The following CCSER1 variants were observed in gnomAD, a reference collection of about 807,000 sequenced individuals.
CCSER1 encodes the protein coiled-coil serine rich protein 1, also known as serine-rich coiled-coil domain-containing protein 1.
A neutral mutation model predicts 82.0 loss-of-function variants in CCSER1; 41 were observed. The ratio of observed to expected loss-of-function variants is 0.50; its 90% CI spans 0.39 to 0.65. The LOEUF (loss-of-function observed/expected upper bound fraction) is 0.65, where lower values mean the gene tolerates loss of function less well. CCSER1 is among the 30% of genes least tolerant of loss of function. CCSER1 has a pLI of 0.00. For missense variants in CCSER1, 1,119 were observed against 1,064.2 expected, an observed-to-expected ratio of 1.05 and a Z score of -0.72; for synonymous variants, 414 against 383.9, an observed-to-expected ratio of 1.08 and a Z score of -0.92.
In CCSER1 at chr4:90,305,714, C is replaced by G. The variant is rs1298686532; in HGVS notation, c.-41-2530C>G. On this transcript the variant is annotated intron_variant, in intron 1 of 10. Coordinates refer to ENST00000509176, the MANE Select transcript of CCSER1 (RefSeq NM_001145065.2). ...AAATTCATATGGAGAAAAGGGAACT[C>G]TTGCACACTGTTGGTGGGGGTGTAA... Among the ~76,000 whole-genome samples the G allele has an allele frequency of 1.7e-4, 26 of 152,192 alleles. 1 individual carries two copies. Among genetic ancestry groups the G allele is most frequent in the Non-Finnish European group, 2.9e-5 (2 of 68,032 alleles).
At chr4:91,414,428 A>G (rs1197542233) in intron 10 of CCSER1, among the ~76,000 whole-genome samples, 1 of 152,168 alleles carries the variant, frequency 6.6e-6, no homozygotes, top group Non-Finnish European at 1.5e-5. Flanking sequence ...CCTGTAGTAG[A>G]TACATAAAAG....
intron 9 of CCSER1, among the ~76,000 whole-genome samples, chr4:91,023,234 A>G (rs1431464916): frequency 6.6e-6 from 1 of 152,020 alleles, no homozygotes; most frequent in Non-Finnish European, 1.5e-5. Context: ...ATACTGCCCA[A>G]GGTAATTTAT....
At chr4:90,219,114 G>A (rs1421056110) in intron 1 of CCSER1, among the ~76,000 whole-genome samples, 1 of 152,172 alleles carries the variant, frequency 6.6e-6, no homozygotes, top group Non-Finnish European at 1.5e-5. Flanking sequence ...ATCACAGAGA[G>A]AGATGGGTTA....
intron 9 of CCSER1, among the ~76,000 whole-genome samples, chr4:90,935,232 T>C (rs1730785751): frequency 6.6e-6 from 1 of 151,918 alleles, no homozygotes; most frequent in African/African-American, 2.4e-5. Context: ...GGTGTTTGGA[T>C]CATGAGAGAG....
At chr4:90,151,389 A>G (rs946442857) in intron 1 of CCSER1, among the ~76,000 whole-genome samples, 26 of 152,078 alleles carry the variant, frequency 1.7e-4, no homozygotes, top group African/African-American at 6.0e-4. Flanking sequence ...TTAATATTCA[A>G]TTGTTTTAAA....
intron 1 of CCSER1, among the ~76,000 whole-genome samples, chr4:90,242,905 A>G (rs1054800823): frequency 3.2e-4 from 48 of 152,168 alleles, no homozygotes; most frequent in African/African-American, 1.1e-3. Context: ...CTCAAAGCCC[A>G]GGCCCTTTCT....
chr4:91,173,696 C>G (rs1361209080), intron 10 of CCSER1, among the ~76,000 whole-genome samples: 2 of 151,796 alleles, frequency 1.3e-5, no homozygotes, highest in Admixed American at 1.3e-4. Context: ...TGTCACTACT[C>G]TCTCCAGGAA....
intron 10 of CCSER1, among the ~76,000 whole-genome samples, chr4:91,302,084 C>A (rs1430179663): frequency 6.6e-6 from 1 of 151,842 alleles, no homozygotes; most frequent in African/African-American, 2.4e-5. Flanking sequence ...CAATAATGTC[C>A]CTGTGAAAAT....
intron 1 of CCSER1, among the ~76,000 whole-genome samples, chr4:90,189,462 G>A (rs766486449): frequency 6.6e-6 from 1 of 151,794 alleles, no homozygotes; most frequent in Non-Finnish European, 1.5e-5. Flanking sequence ...GGCTTATGAC[G>A]TGCACTGAGC....
chr4:90,984,623 A>T (rs759933781), intron 9 of CCSER1, among the ~76,000 whole-genome samples: 1 of 151,774 alleles, frequency 6.6e-6, no homozygotes, highest in African/African-American at 2.4e-5. Flanking sequence ...ACTTAAGCTA[A>T]TCAGGATCTC....
intron 10 of CCSER1, among the ~76,000 whole-genome samples, chr4:91,301,889 TTC>T (rs1744697104): frequency 6.6e-6 from 1 of 151,956 alleles, no homozygotes; most frequent in Admixed American, 6.6e-5. Flanking sequence ...TCATTGATTT[TTC>T]TCTTTTGCTT....
chr4:90,766,580 G>T lies in CCSER1; in HGVS notation c.2010+42589G>T, dbSNP rs1463512734. ...AATTGCCAGAGCCCAGAAGTTCCAG[G>T]CTGCAGTGAGCTATGATCATGCCAC... On this transcript the variant is annotated intron_variant, in intron 7 of 10. Transcript: ENST00000509176. Among the ~76,000 whole-genome samples the T allele has an allele frequency of 3.9e-5, 6 of 152,066 alleles. No homozygotes were observed. The South Asian group carries it at 1.2e-3, about 31-fold the overall frequency.
chr4:90,298,102 C>A lies in CCSER1; in HGVS notation c.-41-10142C>A, dbSNP rs567624986. On this transcript the variant is annotated intron_variant, in intron 1 of 10. Transcript: ENST00000509176. ...CCTCCTTGTACCTCTGGTAGAATTC[C>A]ACTGTGAATCCATCTGGTCCTGGAC... is the stretch of plus-strand genomic sequence containing the variant. Among the ~76,000 whole-genome samples, 1,210 of 152,036 alleles carry A rather than the reference C, an allele frequency of 8.0e-3. 10 individuals carry two copies. The highest frequency in any genetic ancestry group is 0.016 in the South Asian group (77 of 4,798).
chr4:91,239,083 C>G (rs1287223959), intron 10 of CCSER1, among the ~76,000 whole-genome samples: 2 of 151,526 alleles, frequency 1.3e-5, no homozygotes, highest in Admixed American at 1.3e-4. Context: ...CCTCAGCCTC[C>G]CAAAGTGCTG....
chr4:91,157,688 C>A (rs548866099), intron 10 of CCSER1, among the ~76,000 whole-genome samples: 1 of 152,048 alleles, frequency 6.6e-6, no homozygotes, highest in East Asian at 1.9e-4. Context: ...TCTTGTCTTT[C>A]CAGAATTTGT....
At chr4:90,992,527 C>T (rs10015210) in intron 9 of CCSER1, among the ~76,000 whole-genome samples, 8,204 of 151,992 alleles carry the variant, frequency 0.054, 237 homozygotes, top group Middle Eastern at 0.095. Context: ...TTAGCTAGGT[C>T]TTCTGCTTAG....
intron 10 of CCSER1, among the ~76,000 whole-genome samples, chr4:91,554,723 G>A (rs1762325094): frequency 6.6e-6 from 1 of 151,020 alleles, no homozygotes. Context: ...AGCTACAAAA[G>A]ACCCAGAATA....
intron 6 of CCSER1, among the ~76,000 whole-genome samples, chr4:90,637,566 C>T (rs1183246131): frequency 6.6e-6 from 1 of 152,054 alleles, no homozygotes; most frequent in African/African-American, 2.4e-5. Flanking sequence ...CAGCCCCTCC[C>T]AAGGCCATTC....
intron 3 of CCSER1, among the ~76,000 whole-genome samples, chr4:90,337,809 G>T (rs926956353): frequency 3.3e-5 from 5 of 151,898 alleles, no homozygotes; most frequent in Non-Finnish European, 5.9e-5. Context: ...TAATTTTTTA[G>T]AAACATCTAT....
Sources: gnomAD v4.1 joint callset for allele counts (sites outside exome capture counted in the v4.1 genomes callset) on GRCh38, gnomAD v4.1.1 for gene constraint, MANE v1.5 for transcripts, NCBI Gene and HGNC (gene_info 2026-07-23, HGNC 2026-07-21) for gene names.